MSI2: variants seen among roughly 807,000 people sequenced by gnomAD.
MSI2 encodes musashi RNA binding protein 2, also known as RNA-binding protein Musashi homolog 2.
In MSI2, 17 loss-of-function variants were observed where a neutral mutation model predicts 45.6. That is an observed-to-expected ratio of 0.37 (90% CI 0.26 to 0.56). The LOEUF is 0.56. MSI2 is among the 20% of genes least tolerant of loss of function. The pLI is 0.77. For missense variants in MSI2, 293 were observed against 444.2 expected (o/e 0.66, Z 3.06); for synonymous variants, 156 against 158.2 (o/e 0.99, Z 0.11).
chr17:57,468,306 C>T (rs1461554081), intron 6 of MSI2, among the ~76,000 whole-genome samples: 7 of 151,168 alleles, frequency 4.6e-5, no homozygotes, highest in Non-Finnish European at 1.0e-4. Flanking sequence ...ACGGGCAGAT[C>T]ACGAGGTCAG....
At chr17:57,554,206 G>T (rs1054668500) in intron 7 of MSI2, among the ~76,000 whole-genome samples, 9 of 150,384 alleles carry the variant, frequency 6.0e-5, no homozygotes, top group African/African-American at 1.5e-4. Context: ...TTGCTAAGAA[G>T]AGTCCTTAGG....
At chr17:57,449,044 A>G (rs1222308796) in intron 6 of MSI2, 2 of 152,260 alleles carry the variant, frequency 1.3e-5, no homozygotes, top group Admixed American at 1.3e-4. Context: ...TGTTGGCTGA[A>G]AGCCAAGCTA....
chr17:57,654,183 C>T (rs1411285296), intron 11 of MSI2, among the ~76,000 whole-genome samples: 1 of 152,228 alleles, frequency 6.6e-6, no homozygotes, highest in Admixed American at 6.5e-5. Context: ...TACAGGGCAA[C>T]CCTGCAGTGC....
At chr17:57,659,747 A>C (rs1253989801) in intron 11 of MSI2, among the ~76,000 whole-genome samples, 1 of 152,152 alleles carries the variant, frequency 6.6e-6, no homozygotes, top group Non-Finnish European at 1.5e-5. Context: ...TAATAAAATA[A>C]AATAAAAGCC....
In MSI2 at chr17:57,273,464, ATT is replaced by A. The variant is rs752793064; in HGVS notation, c.312+11288_312+11289del. Among the ~76,000 whole-genome samples the A allele has an allele frequency of 3.1e-3, 311 of 100,766 alleles. 1 individual carries two copies. Among genetic ancestry groups the A allele is most frequent in the African/African-American group, 9.9e-3 (266 of 26,880 alleles). 66.1% of individuals were successfully genotyped at this position (100,766 alleles called of 152,430 possible). A position where few individuals can be genotyped will look rare whatever the true frequency, so the allele number is the denominator to read the frequency against. ...ACGTCCCATATTCTTGTTAAAAATG[ATT>A]TTTTTTTTTTTTTTTCTTTTACTGG... On this transcript the variant is annotated intron_variant, in intron 5 of 13. Coordinates refer to ENST00000284073, the MANE Select transcript of MSI2 (RefSeq NM_138962.4).
chr17:57,293,607 G>GT (rs59810704), intron 5 of MSI2, among the ~76,000 whole-genome samples: 4,168 of 68,740 alleles, frequency 0.061, 188 homozygotes, highest in African/African-American at 0.15. Context: ...TTTTTTTTTT[G>GT]TTTTTTTTTG....
chr17:57,430,550 G>T (rs543677106), intron 6 of MSI2, among the ~76,000 whole-genome samples: 7 of 152,324 alleles, frequency 4.6e-5, no homozygotes, highest in Non-Finnish European at 8.8e-5. Flanking sequence ...TCGTTAATAT[G>T]CATGCCTCTA....
chr17:57,315,358 G>A (rs1216854567), intron 5 of MSI2, among the ~76,000 whole-genome samples: 2 of 151,716 alleles, frequency 1.3e-5, no homozygotes, highest in African/African-American at 2.4e-5. Flanking sequence ...GTGTCCTGTC[G>A]ACTCAAGGAC....
intron 5 of MSI2, among the ~76,000 whole-genome samples, chr17:57,300,389 G>T (rs549176883): frequency 4.8e-4 from 73 of 152,284 alleles, no homozygotes; most frequent in African/African-American, 1.7e-3. Context: ...AGAATTTATA[G>T]CATCAAAAGT....
intron 7 of MSI2, among the ~76,000 whole-genome samples, chr17:57,590,817 C>T (rs1031190589): frequency 5.3e-5 from 8 of 152,146 alleles, no homozygotes; most frequent in African/African-American, 1.9e-4. Flanking sequence ...TCTTGTTGCC[C>T]AAGTTCTGGC....
chr17:57,273,047 A>G (rs191112961), intron 5 of MSI2, among the ~76,000 whole-genome samples: 2 of 152,312 alleles, frequency 1.3e-5, no homozygotes, highest in East Asian at 3.9e-4. Flanking sequence ...TAGTGGATTC[A>G]TCATGTCTTC....
the MSI2 span, among the ~76,000 whole-genome samples, chr17:57,694,183 C>T: frequency 6.6e-6 from 1 of 152,112 alleles, no homozygotes; most frequent in Non-Finnish European, 1.5e-5. Flanking sequence ...CAAAGTTTGC[C>T]CCTTGATGTG....
At chr17:57,445,925 C>T (rs528828597) in intron 6 of MSI2, among the ~76,000 whole-genome samples, 131 of 152,238 alleles carry the variant, frequency 8.6e-4, no homozygotes, top group African/African-American at 3.0e-3. Flanking sequence ...CGTTGATTCA[C>T]GAGACAAATG....
intron 5 of MSI2, among the ~76,000 whole-genome samples, chr17:57,386,496 C>T (rs80093687): frequency 0.038 from 5,761 of 152,192 alleles, 143 homozygotes; most frequent in Non-Finnish European, 0.049. Context: ...TGAATGCCTA[C>T]CATGTGCTAG....
chr17:57,300,464 A>G (rs1263182669), intron 5 of MSI2, among the ~76,000 whole-genome samples: 1 of 152,156 alleles, frequency 6.6e-6, no homozygotes, highest in Non-Finnish European at 1.5e-5. Flanking sequence ...ATATTTCTCT[A>G]TATTTTTTCT....
chr17:57,431,928 G>A (rs770647146), intron 6 of MSI2, among the ~76,000 whole-genome samples: 10 of 152,150 alleles, frequency 6.6e-5, no homozygotes, highest in Admixed American at 3.9e-4. Context: ...ATTTGGCGGC[G>A]GTGTGGAATA....
rs777738169 is a variant in MSI2, at chr17:57,675,111, C to A, written c.930C>A (p.Phe310Leu). Residue 310 changes from phenylalanine (F) to leucine (L), a missense_variant, in exon 12 of 14, where the codon TTC (phenylalanine) becomes TTA (leucine). Physicochemically the swap from Phe to Leu is conservative, Grantham distance 22 (BLOSUM62 0). Transcript: ENST00000284073. Reference sequence around the variant, plus strand: ...CCAGCCCACAGCCGGGCTCGGGCTTCGGCCACGGCATAGCTGTAAGTACCT... The same window carrying A: ...CCAGCCCACAGCCGGGCTCGGGCTTAGGCCACGGCATAGCTGTAAGTACCT... ...SAASPQPGSG[F>L]GHGIAGPLIA... The A allele has an allele frequency of 1.9e-6, 3 of 1,613,300 alleles. No homozygotes were observed. The highest frequency in any genetic ancestry group is 2.5e-6 in the Non-Finnish European group (3 of 1,179,820).
chr17:57,493,913 G>GA (rs2085924966), intron 6 of MSI2, among the ~76,000 whole-genome samples: 1 of 152,114 alleles, frequency 6.6e-6, no homozygotes, highest in African/African-American at 2.4e-5. Flanking sequence ...TTATACAGAT[G>GA]AAAAAACTGG....
chr17:57,411,854 A>G (rs2084202793), intron 6 of MSI2, among the ~76,000 whole-genome samples: 1 of 152,136 alleles, frequency 6.6e-6, no homozygotes, highest in South Asian at 2.1e-4. Context: ...TAAAAATACA[A>G]AAATTAGCAG....
Sources: gnomAD v4.1 joint callset for allele counts (sites outside exome capture counted in the v4.1 genomes callset) on GRCh38, gnomAD v4.1.1 for gene constraint, MANE v1.5 for transcripts, NCBI Gene and HGNC (gene_info 2026-07-23, HGNC 2026-07-21) for gene names.